Variants in IQCM observed in about 807,000 individuals in gnomAD.
IQCM encodes IQ motif containing M.
Under a neutral mutation model 57.6 loss-of-function variants are expected in IQCM, and 45 were observed. That is an observed-to-expected ratio of 0.78 (90% CI 0.62 to 1.00). The LOEUF is 1.00. Ranked by LOEUF, IQCM falls within the 50% of genes least tolerant of loss-of-function variation. IQCM has a pLI of 0.00. For synonymous variants in IQCM, 148 were observed against 158.9 expected, an observed-to-expected ratio of 0.93 and a Z score of 0.51; for missense variants, 468 against 511.6, an observed-to-expected ratio of 0.91 and a Z score of 0.82.
At chr4:149,534,847 C>G (rs575096152) in intron 12 of IQCM, among the ~76,000 whole-genome samples, 1 of 151,954 alleles carries the variant, frequency 6.6e-6, no homozygotes, top group South Asian at 2.1e-4. Context: ...CTAGAGGTAA[C>G]CTTTTTAAAA....
intron 7 of IQCM, among the ~76,000 whole-genome samples, chr4:149,660,650 C>A (rs1760103217): frequency 6.6e-6 from 1 of 151,908 alleles, no homozygotes; most frequent in African/African-American, 2.4e-5. Flanking sequence ...TACTATGCAG[C>A]CATAAAAAAG....
chr4:149,467,039 A>G (rs72724100), intron 12 of IQCM, among the ~76,000 whole-genome samples: 4,767 of 152,286 alleles, frequency 0.031, 111 homozygotes, highest in Non-Finnish European at 0.047. Context: ...GTTTGCATAT[A>G]TGAATTTCTT....
chr4:149,443,906 A>G, intron 12 of IQCM, among the ~76,000 whole-genome samples: 1 of 151,956 alleles, frequency 6.6e-6, no homozygotes, highest in East Asian at 1.9e-4. Context: ...GGAGAAGTAA[A>G]AGAAAGTTTA....
chr4:149,770,039 TAAACTCC>T (rs1441170864), intron 2 of IQCM, among the ~76,000 whole-genome samples: 1 of 148,094 alleles, frequency 6.8e-6, no homozygotes, highest in Middle Eastern at 3.5e-3. Context: ...AAAATATTAA[TAAACTCC>T]AAAGCTCATT....
At chr4:149,361,900 C>T (rs1218646101) in intron 13 of IQCM, among the ~76,000 whole-genome samples, 3 of 152,062 alleles carry the variant, frequency 2.0e-5, no homozygotes, top group Non-Finnish European at 4.4e-5. Flanking sequence ...GCACCGTGTG[C>T]CTGGAAAAGC....
chr4:149,384,868 A>G (rs1417861387), intron 13 of IQCM, among the ~76,000 whole-genome samples: 6 of 152,110 alleles, frequency 3.9e-5, no homozygotes, highest in Non-Finnish European at 7.3e-5. Context: ...ACTTGGTTAA[A>G]TAGAAAACAT....
chr4:149,465,238 C>T (rs1231710535), intron 12 of IQCM, among the ~76,000 whole-genome samples: 1 of 151,878 alleles, frequency 6.6e-6, no homozygotes, highest in South Asian at 2.1e-4. Flanking sequence ...TTTTTTTAAT[C>T]AATTGATTAA....
At chr4:149,504,267 TTAAA>T (rs1165306423) in intron 12 of IQCM, among the ~76,000 whole-genome samples, 1 of 152,210 alleles carries the variant, frequency 6.6e-6, no homozygotes, top group Admixed American at 6.5e-5. Flanking sequence ...TGATTTACTC[TTAAA>T]TAGTTAAACA....
intron 12 of IQCM, among the ~76,000 whole-genome samples, chr4:149,472,832 T>A (rs1739728840): frequency 6.6e-6 from 1 of 152,106 alleles, no homozygotes; most frequent in Non-Finnish European, 1.5e-5. Context: ...TCTACAATGA[T>A]CTGATCTTTG....
At chr4:149,732,742 A>G (rs1253854385) in intron 5 of IQCM, among the ~76,000 whole-genome samples, 1 of 152,212 alleles carries the variant, frequency 6.6e-6, no homozygotes, top group East Asian at 1.9e-4. Flanking sequence ...CAGGAAAACA[A>G]TATCACTTTG....
chr4:149,523,448 G>A (rs957660539), intron 12 of IQCM, among the ~76,000 whole-genome samples: 1 of 151,964 alleles, frequency 6.6e-6, no homozygotes, highest in South Asian at 2.1e-4. Flanking sequence ...CACAAACAAG[G>A]ACAGTTCACA....
chr4:149,538,346 G>T (rs1747510541), intron 12 of IQCM, among the ~76,000 whole-genome samples: 1 of 151,550 alleles, frequency 6.6e-6, no homozygotes, highest in South Asian at 2.1e-4. Context: ...AATGTATATT[G>T]CAACACCTAG....
At chr4:149,791,193 G>A (rs1431314437) in intron 2 of IQCM, among the ~76,000 whole-genome samples, 1 of 152,114 alleles carries the variant, frequency 6.6e-6, no homozygotes, top group African/African-American at 2.4e-5. Context: ...CATTTTGGTA[G>A]ATAACACATG....
At chr4:149,403,329 T>C (rs143622309) in intron 13 of IQCM, among the ~76,000 whole-genome samples, 1 of 152,136 alleles carries the variant, frequency 6.6e-6, no homozygotes, top group Non-Finnish European at 1.5e-5. Context: ...TTGGCAGAAG[T>C]ATTTTCTCTT....
chr4:149,806,551 G>A (rs891042445), intron 2 of IQCM, among the ~76,000 whole-genome samples: 1 of 151,888 alleles, frequency 6.6e-6, no homozygotes, highest in Admixed American at 6.6e-5. Context: ...ATTTGTTTTA[G>A]CCCCTACATA....
intron 13 of IQCM, among the ~76,000 whole-genome samples, chr4:149,366,673 G>A (rs4530612): frequency 1 from 151,969 of 151,976 alleles, 75,981 homozygotes; most frequent in Middle Eastern, 1. Flanking sequence ...AGCATGAAGA[G>A]CTACACCAAG....
chr4:149,435,942 A>G (rs1735323770), intron 12 of IQCM, among the ~76,000 whole-genome samples: 1 of 152,144 alleles, frequency 6.6e-6, no homozygotes, highest in Non-Finnish European at 1.5e-5. Context: ...AAGAAATTTA[A>G]AAGTTTATAA....
At chr4:149,786,182 G>T (rs1411468520) in intron 2 of IQCM, among the ~76,000 whole-genome samples, 3 of 152,114 alleles carry the variant, frequency 2.0e-5, no homozygotes, top group African/African-American at 7.2e-5. Context: ...TGAGACATAT[G>T]ACTCACACAA....
intron 13 of IQCM, among the ~76,000 whole-genome samples, chr4:149,358,726 C>T (rs1429539175): frequency 6.7e-6 from 1 of 149,870 alleles, no homozygotes; most frequent in East Asian, 2.0e-4. Flanking sequence ...CAAGTGAAAT[C>T]AGTAAGCTTA....
Sources: allele counts gnomAD v4.1 joint callset (sites outside exome capture counted in the v4.1 genomes callset), GRCh38; gene constraint gnomAD v4.1.1; transcripts MANE v1.5; gene names NCBI Gene and HGNC (gene_info 2026-07-23, HGNC 2026-07-21).